The following GPAT3 variants were observed in gnomAD, a reference collection of about 807,000 sequenced individuals.
GPAT3 encodes 1-AGP acyltransferase 9.
A neutral mutation model predicts 58.8 loss-of-function variants in GPAT3; 53 were observed. That is an observed-to-expected ratio of 0.90 (90% confidence interval 0.72 to 1.13). The LOEUF (loss-of-function observed/expected upper bound fraction) is 1.13. GPAT3 is among the 50% of genes most tolerant of loss of function. The pLI, the probability that GPAT3 is intolerant of heterozygous loss-of-function variation, is 0.00. For synonymous variants in GPAT3, 197 were observed against 187.4 expected (o/e 1.05, Z -0.42); for missense variants, 511 against 527.6 (o/e 0.97, Z 0.31).
rs906715107 is a variant in GPAT3 at position 83,579,188 on chromosome 4, T to A, written c.209-2374T>A. 2.1e-5 allele frequency among the ~76,000 whole-genome samples: 3 copies of A among 144,356 alleles called. No individual in the cohort carries two copies. The East Asian group carries it at 6.1e-4, about 30-fold the overall frequency. 94.7% of individuals were successfully genotyped at this position (144,356 alleles called of 152,430 possible). On this transcript the variant is annotated intron_variant, in intron 2 of 11. Coordinates refer to ENST00000264409, the MANE Select transcript of GPAT3 (RefSeq NM_032717.5). ...CTTTCTCTTTCTTTCCTTTCTTAAT[T>A]TTTATTTCTTTCTCTCTCTCCCCTT...
At chr4:83,536,086 C>A (rs1724067644), upstream of GPAT3, 1 of 985,430 alleles carries the variant, frequency 1.0e-6, no homozygotes, top group South Asian at 4.7e-5. Context: ...AGAAATAGGG[C>A]GCTGGGCGCC....
At chr4:83,579,066 CTTT>C (rs1560621264) in intron 2 of GPAT3, among the ~76,000 whole-genome samples, 671 of 38,302 alleles carry the variant, frequency 0.018, 69 homozygotes, top group African/African-American at 0.03. Context: ...TTCTTTCTTT[CTTT>C]CTTTCTTTCT....
chr4:83,593,362 C>T (rs983842595), intron 6 of GPAT3, among the ~76,000 whole-genome samples: 1 of 148,376 alleles, frequency 6.7e-6, no homozygotes, highest in African/African-American at 2.5e-5. Flanking sequence ...GATGGGGTTT[C>T]ACCATGTTGG....
chr4:83,600,328 C>CCAT (rs34587856), intron 11 of GPAT3, among the ~76,000 whole-genome samples: 81,025 of 151,390 alleles, frequency 0.54, 22,523 homozygotes, highest in Middle Eastern at 0.73. Context: ...GGCACTAATC[C>CCAT]CATGAGTGCT....
At chr4:83,535,625 C>A, upstream of GPAT3, 1 of 830,598 alleles carries the variant, frequency 1.2e-6, no homozygotes, top group Non-Finnish European at 1.5e-6. Flanking sequence ...AGATACTTAG[C>A]CGCAGGGTTT....
intron 3 of GPAT3, among the ~76,000 whole-genome samples, chr4:83,583,705 G>GGGCC (rs1437810207): frequency 7.4e-6 from 1 of 134,694 alleles, no homozygotes; most frequent in East Asian, 2.1e-4. Flanking sequence ...AAATGAAGCT[G>GGGCC]GGCCGGGCAT....
At chr4:83,602,452 C>CTA (rs1452629278) in intron 11 of GPAT3, among the ~76,000 whole-genome samples, 1 of 152,000 alleles carries the variant, frequency 6.6e-6, no homozygotes, top group African/African-American at 2.4e-5. Context: ...TGTCATGTAC[C>CTA]TATTGGTTAT....
intron 2 of GPAT3, among the ~76,000 whole-genome samples, chr4:83,555,840 A>G (rs558040158): frequency 1.3e-5 from 2 of 152,294 alleles, no homozygotes; most frequent in South Asian, 4.1e-4. Context: ...ATAGTGTCAA[A>G]ATTTAATTGA....
intron 2 of GPAT3, among the ~76,000 whole-genome samples, chr4:83,576,275 A>G (rs1725810095): frequency 6.6e-6 from 1 of 152,214 alleles, no homozygotes; most frequent in Non-Finnish European, 1.5e-5. Flanking sequence ...AATGCAAACA[A>G]TGTGGCAAAG....
chr4:83,565,100 T>C (rs1235906104), intron 2 of GPAT3, among the ~76,000 whole-genome samples: 1 of 151,856 alleles, frequency 6.6e-6, no homozygotes, highest in African/African-American at 2.4e-5. Context: ...ATTTATTTAT[T>C]TATTTATTTT....
chr4:83,565,762 C>A (rs1465483635), intron 2 of GPAT3, among the ~76,000 whole-genome samples: 2 of 152,204 alleles, frequency 1.3e-5, no homozygotes, highest in East Asian at 3.9e-4. Context: ...GTTTAAAAGG[C>A]GGGTCCAGGG....
Position 83,536,352 on chromosome 4 carries a change from C to T in GPAT3, c.-271C>T. The T allele has an allele frequency of 8.3e-7, 1 of 1,209,216 alleles. No individual in the cohort carries two copies. The allele number at this position is 1,209,216 out of a possible 1,614,324, so 74.9% of individuals were successfully genotyped here. ...AGCTCCGACCACTGGCTCGCGCTAC[C>T]CAGGTCTCCGCACGCCGCGGTGGCT... On this transcript the variant is annotated 5_prime_UTR_variant, in exon 1 of 12. Transcript: ENST00000264409.
intron 2 of GPAT3, among the ~76,000 whole-genome samples, chr4:83,562,641 G>A (rs1725219145): frequency 6.6e-6 from 1 of 151,962 alleles, no homozygotes; most frequent in Admixed American, 6.6e-5. Flanking sequence ...TGAAATAGTA[G>A]ATTTAATGAA....
At chr4:83,570,409 A>G (rs925707187) in intron 2 of GPAT3, among the ~76,000 whole-genome samples, 2 of 151,876 alleles carry the variant, frequency 1.3e-5, no homozygotes, top group African/African-American at 4.8e-5. Flanking sequence ...TAAAATATAC[A>G]TGGGAAGATA....
At chr4:83,594,715 A>G in intron 6 of GPAT3, 130 bp from the exon 7 acceptor site, 1 of 716,926 alleles carries the variant, frequency 1.4e-6, no homozygotes, top group Non-Finnish European at 2.4e-6. Context: ...ATTTGATCAG[A>G]CTAAGAACTT....
chr4:83,550,241 C>G (rs937816916), intron 2 of GPAT3, among the ~76,000 whole-genome samples: 1 of 151,978 alleles, frequency 6.6e-6, no homozygotes, highest in Admixed American at 6.6e-5. Context: ...CCATGTTGCC[C>G]AGGCTGGTCT....
intron 2 of GPAT3, among the ~76,000 whole-genome samples, chr4:83,547,471 C>G (rs1328269254): frequency 3.3e-5 from 5 of 151,946 alleles, no homozygotes; most frequent in Admixed American, 1.3e-4. Flanking sequence ...CCAGGATGGT[C>G]TCGATCTCCT....
At chr4:83,548,824 C>T (rs1724638746) in intron 2 of GPAT3, among the ~76,000 whole-genome samples, 2 of 152,200 alleles carry the variant, frequency 1.3e-5, no homozygotes, top group South Asian at 4.2e-4. Flanking sequence ...TGCCCCTTTG[C>T]CCACCTAAAC....
intron 6 of GPAT3, 59 bp from the exon 7 acceptor site, chr4:83,594,782 TAAAA>T (rs990925439): frequency 4.2e-5 from 59 of 1,401,164 alleles, no homozygotes; most frequent in African/African-American, 1.6e-4. Context: ...TGTTGGTACT[TAAAA>T]AACTTTCTTT....
Sources: gnomAD v4.1 joint callset for allele counts (sites outside exome capture counted in the v4.1 genomes callset) on GRCh38, gnomAD v4.1.1 for gene constraint, MANE v1.5 for transcripts, NCBI Gene and HGNC (gene_info 2026-07-23, HGNC 2026-07-21) for gene names.